Variants in REV1 observed in about 807,000 individuals in gnomAD.
The protein encoded by REV1 is translesion synthesis protein REV1.
In REV1, 42 loss-of-function variants were observed where a neutral mutation model predicts 137.4. That is an observed-to-expected ratio of 0.31 (90% CI 0.24 to 0.40). REV1 has a LOEUF of 0.40. REV1 is among the 10% of genes least tolerant of loss of function. REV1 has a pLI of 1.00. For missense variants in REV1, 1,282 were observed against 1,490.1 expected (o/e 0.86, Z 2.30); for synonymous variants, 524 against 519.2 (o/e 1.01, Z -0.12).
chr2:99,406,238 T>C (rs1574975412), intron 16 of REV1, 87 bp downstream of exon 16: 4 of 1,458,014 alleles, frequency 2.7e-6, no homozygotes, highest in East Asian at 2.3e-5. Context: ...TAAAATCACA[T>C]AAAGCTGTGT....
chr2:99,426,774 C>G (rs946195604), intron 9 of REV1, among the ~76,000 whole-genome samples: 6 of 152,144 alleles, frequency 3.9e-5, no homozygotes, highest in Non-Finnish European at 8.8e-5. Flanking sequence ...ACCAAAACTT[C>G]GTTAAGTGTA....
chr2:99,481,884 G>C (rs927887008), intron 1 of REV1, among the ~76,000 whole-genome samples: 3 of 152,098 alleles, frequency 2.0e-5, no homozygotes, highest in African/African-American at 7.2e-5. Flanking sequence ...AAATTTGACT[G>C]GCCATTGTCT....
intron 14 of REV1, among the ~76,000 whole-genome samples, chr2:99,410,471 G>A (rs1302573022): frequency 1.3e-5 from 2 of 152,174 alleles, no homozygotes. Flanking sequence ...GGCTGCCAAG[G>A]TCAGCAATGC....
intron 6 of REV1, among the ~76,000 whole-genome samples, chr2:99,437,834 G>A (rs944995313): frequency 2.0e-5 from 3 of 151,932 alleles, no homozygotes; most frequent in African/African-American, 7.3e-5. Flanking sequence ...AAAGCACATA[G>A]GAATACATCA....
chr2:99,408,248 A>G (rs1324391894), intron 14 of REV1, 117 bp from the exon 15 acceptor site: 1 of 507,850 alleles, frequency 2.0e-6, no homozygotes, highest in African/African-American at 2.0e-5. Flanking sequence ...TACAAAGAAG[A>G]TTATAAAAGT....
intron 3 of REV1, among the ~76,000 whole-genome samples, chr2:99,459,551 A>T (rs1244498192): frequency 6.6e-6 from 1 of 152,212 alleles, no homozygotes; most frequent in East Asian, 1.9e-4. Context: ...ACAAAAAATT[A>T]AAAAATCAGC....
At chr2:99,427,724 C>A (rs1679566711) in intron 9 of REV1, among the ~76,000 whole-genome samples, 1 of 152,098 alleles carries the variant, frequency 6.6e-6, no homozygotes, top group South Asian at 2.1e-4. Context: ...GAATAGCCTT[C>A]TAGAAAACAG....
At chr2:99,458,781 G>C (rs1165655915) in intron 3 of REV1, among the ~76,000 whole-genome samples, 1 of 152,202 alleles carries the variant, frequency 6.6e-6, no homozygotes, top group African/African-American at 2.4e-5. Flanking sequence ...GTTATATGCT[G>C]TATGTTTTAT....
At chr2:99,442,549 A>T in intron 4 of REV1, 80 bp from the exon 5 acceptor site, 1 of 1,314,178 alleles carries the variant, frequency 7.6e-7, no homozygotes, top group South Asian at 1.3e-5. Context: ...ATGTCCTTAA[A>T]GATACAGTAT....
At chr2:99,420,954 C>T (rs567468341) in intron 11 of REV1, among the ~76,000 whole-genome samples, 47 of 152,212 alleles carry the variant, frequency 3.1e-4, no homozygotes, top group South Asian at 2.3e-3. Context: ...CCAGAGGACA[C>T]GGCTGGAAGA....
chr2:99,408,980 C>T (rs965210765), intron 14 of REV1, among the ~76,000 whole-genome samples: 3 of 152,178 alleles, frequency 2.0e-5, no homozygotes, highest in African/African-American at 7.2e-5. Flanking sequence ...CACATTACTT[C>T]ATCTGCTTAT....
At position 99,410,161 on chromosome 2, in the gene REV1, C is replaced by T. The variant is rs188192910; in HGVS notation, c.2345+534G>A. Among the ~76,000 whole-genome samples, 19 of 152,162 alleles carry T rather than the reference C, an allele frequency of 1.2e-4. No homozygotes were observed. The East Asian group carries it at 3.3e-3, about 27-fold the overall frequency. ...GAGTAGCTGGGACTACAGGCGAATG[C>T]CACCATGTCCGGCTAATTTTTGTAC... On this transcript the variant is annotated intron_variant, in intron 14 of 22. Coordinates refer to ENST00000258428, the MANE Select transcript of REV1 (RefSeq NM_016316.4).
At position 99,438,990 on chromosome 2, in the gene REV1, G is replaced by A. The variant is rs757304343; in HGVS notation, c.824C>T (p.Thr275Ile). Residue 275 changes from threonine (T) to isoleucine (I), a missense_variant, in exon 6 of 23, where the codon ACT becomes ATT. This residue lies in a region of REV1 where 432 missense variants were observed against 438.0 expected (regional missense o/e 0.99). Coordinates refer to ENST00000258428, the MANE Select transcript of REV1 (RefSeq NM_016316.4). The part of the protein sequence containing the change: ...EKSSTDFRDC[T>I]LQQLQQSTRN... Reference sequence around the variant, plus strand: ...GGTGCTTTGCTGCAACTGCTGCAGAGTGCAGTCTCTGAAATCAGTGCTGCT... The same window carrying A: ...GGTGCTTTGCTGCAACTGCTGCAGAATGCAGTCTCTGAAATCAGTGCTGCT... 8 of 1,614,186 alleles carry A rather than the reference G, an allele frequency of 5.0e-6. No individual in the cohort carries two copies. Among genetic ancestry groups the A allele is most frequent in the Non-Finnish European group, 8.5e-7 (1 of 1,180,032 alleles).
At chr2:99,444,764 G>A (rs1681976122) in intron 4 of REV1, among the ~76,000 whole-genome samples, 1 of 152,102 alleles carries the variant, frequency 6.6e-6, no homozygotes. Flanking sequence ...TAGATATATA[G>A]ACAGAAACAT....
At chr2:99,415,677 C>T (rs1231727475) in intron 12 of REV1, among the ~76,000 whole-genome samples, 1 of 152,224 alleles carries the variant, frequency 6.6e-6, no homozygotes, top group Non-Finnish European at 1.5e-5. Flanking sequence ...TCATATTGTA[C>T]TAGCTTCACT....
At chr2:99,437,136 C>A (rs566205454) in intron 6 of REV1, among the ~76,000 whole-genome samples, 1 of 151,658 alleles carries the variant, frequency 6.6e-6, no homozygotes, top group Non-Finnish European at 1.5e-5. Context: ...CGTGCCACCA[C>A]GCCCAGCTAA....
chr2:99,455,744 T>TA (rs756272282), intron 3 of REV1, among the ~76,000 whole-genome samples: 8 of 152,324 alleles, frequency 5.3e-5, no homozygotes, highest in Non-Finnish European at 1.0e-4. Context: ...AATCCTCTCC[T>TA]AAAACACCAC....
chr2:99,467,371 A>G (rs1348593439), intron 1 of REV1, among the ~76,000 whole-genome samples: 2 of 152,262 alleles, frequency 1.3e-5, no homozygotes, highest in East Asian at 3.8e-4. Flanking sequence ...TGAAGGACTG[A>G]AAATTTTAGC....
intron 3 of REV1, among the ~76,000 whole-genome samples, chr2:99,452,204 T>C (rs981771522): frequency 6.6e-6 from 1 of 151,882 alleles, no homozygotes; most frequent in Non-Finnish European, 1.5e-5. Context: ...GTGGGCAGAT[T>C]GCTTGAGCTC....
Sources: allele counts gnomAD v4.1 joint callset (sites outside exome capture counted in the v4.1 genomes callset), GRCh38; gene constraint gnomAD v4.1.1; regional missense constraint gnomAD v4.1.1; transcripts MANE v1.5; gene names NCBI Gene and HGNC (gene_info 2026-07-23, HGNC 2026-07-21).